LMX1A: variants seen among roughly 807,000 people sequenced by gnomAD.
The protein encoded by LMX1A is LIM homeobox transcription factor 1-alpha.
LMX1A carries 15 observed loss-of-function variants against 49.1 expected under a neutral mutation model. The observed-to-expected ratio is 0.31, with a 90% CI of 0.20 to 0.47. LMX1A has a LOEUF of 0.47. Ranked by LOEUF, LMX1A falls within the 20% of genes least tolerant of loss-of-function variation. The pLI, the probability that LMX1A is intolerant of heterozygous loss-of-function variation, is 1.00. For synonymous variants in LMX1A, 167 were observed against 185.7 expected, an observed-to-expected ratio of 0.90 and a Z score of 0.82; for missense variants, 372 against 475.8, an observed-to-expected ratio of 0.78 and a Z score of 2.03.
chr1:165,307,109 A>G (rs1043964309), intron 3 of LMX1A, among the ~76,000 whole-genome samples: 9 of 152,252 alleles, frequency 5.9e-5, no homozygotes, highest in African/African-American at 2.2e-4. Flanking sequence ...CTTTTTCCAG[A>G]AATGACAGTG....
chr1:165,323,068 A>C (rs1655468876), intron 3 of LMX1A, among the ~76,000 whole-genome samples: 1 of 152,158 alleles, frequency 6.6e-6, no homozygotes, highest in Non-Finnish European at 1.5e-5. Flanking sequence ...AAATCTCAGA[A>C]TCAAAAGGGC....
chr1:165,202,901 A>G lies in LMX1A; in HGVS notation c.*979T>C, dbSNP rs1280118690. On this transcript the variant is annotated 3_prime_UTR_variant, in exon 9 of 9. Transcript: ENST00000342310. ...GTTGTATCTTAAACAAATATCAGAT[A>G]TTAGTCTCAGCCCTGCTCATGTGTC... 7 of 152,656 alleles carry G rather than the reference A, an allele frequency of 4.6e-5. No individual in the cohort carries two copies. The highest frequency in any genetic ancestry group is 1.7e-4 in the African/African-American group (7 of 41,442). The allele number at this position is 152,656 out of a possible 1,614,324, so 9.5% of individuals were successfully genotyped here.
chr1:165,237,487 C>T (rs1305827319), intron 4 of LMX1A, among the ~76,000 whole-genome samples: 1 of 152,094 alleles, frequency 6.6e-6, no homozygotes, highest in African/African-American at 2.4e-5. Flanking sequence ...AAGGACACTC[C>T]ATCTTGAACA....
At chr1:165,327,133 T>C (rs1655610210) in intron 3 of LMX1A, among the ~76,000 whole-genome samples, 1 of 152,186 alleles carries the variant, frequency 6.6e-6, no homozygotes, top group African/African-American at 2.4e-5. Context: ...GAAGTCACCC[T>C]CTGGAGACGC....
At chr1:165,222,621 C>T (rs531341811) in intron 4 of LMX1A, among the ~76,000 whole-genome samples, 1 of 152,232 alleles carries the variant, frequency 6.6e-6, no homozygotes, top group Non-Finnish European at 1.5e-5. Context: ...AGTTGACTAA[C>T]ACTCAAAATG....
intron 3 of LMX1A, among the ~76,000 whole-genome samples, chr1:165,312,703 T>C (rs535011151): frequency 3.5e-4 from 54 of 152,322 alleles, no homozygotes; most frequent in African/African-American, 1.2e-3. Flanking sequence ...ACCAACTTAA[T>C]GGCCCCATGT....
chr1:165,343,696 C>T (rs1656150805), intron 3 of LMX1A, among the ~76,000 whole-genome samples: 1 of 152,060 alleles, frequency 6.6e-6, no homozygotes, highest in Non-Finnish European at 1.5e-5. Context: ...AAGATCCCAA[C>T]CAAAGACAAA....
chr1:165,264,157 C>T (rs1653541683), intron 3 of LMX1A, among the ~76,000 whole-genome samples: 1 of 151,736 alleles, frequency 6.6e-6, no homozygotes, highest in Admixed American at 6.6e-5. Context: ...TAAAAAAAAA[C>T]AGGAGGAATG....
At chr1:165,295,392 ATAGG>A (rs1654587094) in intron 3 of LMX1A, among the ~76,000 whole-genome samples, 2 of 150,054 alleles carry the variant, frequency 1.3e-5, no homozygotes, top group South Asian at 2.1e-4. Flanking sequence ...GCCGTAATAA[ATAGG>A]TAGCCCTATT....
At chr1:165,318,809 G>A (rs1655293212) in intron 3 of LMX1A, among the ~76,000 whole-genome samples, 1 of 152,094 alleles carries the variant, frequency 6.6e-6, no homozygotes, top group African/African-American at 2.4e-5. Context: ...AGATGGAAAG[G>A]AAAAATATAG....
At chr1:165,343,134 C>T (rs1421990330) in intron 3 of LMX1A, among the ~76,000 whole-genome samples, 1 of 152,072 alleles carries the variant, frequency 6.6e-6, no homozygotes, top group Non-Finnish European at 1.5e-5. Context: ...TTTCTATGAG[C>T]CAAGCATTGA....
At chr1:165,256,806 G>T (rs1399879474) in intron 3 of LMX1A, among the ~76,000 whole-genome samples, 1 of 152,058 alleles carries the variant, frequency 6.6e-6, no homozygotes, top group Non-Finnish European at 1.5e-5. Context: ...TTTGATGCCT[G>T]AGAAACTACT....
At chr1:165,273,113 G>A (rs1373795656) in intron 3 of LMX1A, among the ~76,000 whole-genome samples, 2 of 152,208 alleles carry the variant, frequency 1.3e-5, no homozygotes, top group African/African-American at 4.8e-5. Flanking sequence ...CACTACTGAG[G>A]ATGTCTCCAG....
chr1:165,229,377 GC>G (rs1003467599), intron 4 of LMX1A, among the ~76,000 whole-genome samples: 4 of 152,090 alleles, frequency 2.6e-5, no homozygotes, highest in Middle Eastern at 3.4e-3. Flanking sequence ...GCTATAGATG[GC>G]CCCCCCGTCA....
At chr1:165,234,127 A>G (rs1393179816) in intron 4 of LMX1A, among the ~76,000 whole-genome samples, 2 of 152,138 alleles carry the variant, frequency 1.3e-5, no homozygotes, top group Non-Finnish European at 2.9e-5. Context: ...AATCCTTCAC[A>G]TTTTGGCGTT....
At chr1:165,313,647 G>C (rs1303216352) in intron 3 of LMX1A, among the ~76,000 whole-genome samples, 1 of 151,994 alleles carries the variant, frequency 6.6e-6, no homozygotes, top group Non-Finnish European at 1.5e-5. Context: ...GAAGGGAGCA[G>C]TTACCAGAGC....
intron 3 of LMX1A, among the ~76,000 whole-genome samples, chr1:165,346,798 A>G (rs1656259225): frequency 6.6e-6 from 1 of 152,232 alleles, no homozygotes; most frequent in African/African-American, 2.4e-5. Context: ...ACATGTAGCA[A>G]GATTACAGTG....
chr1:165,346,311 G>A (rs1398541483), intron 3 of LMX1A, among the ~76,000 whole-genome samples: 1 of 152,190 alleles, frequency 6.6e-6, no homozygotes, highest in East Asian at 1.9e-4. Flanking sequence ...TCCAAAAATA[G>A]GATCCCCAAA....
intron 3 of LMX1A, among the ~76,000 whole-genome samples, chr1:165,307,315 C>T (rs1274474384): frequency 6.6e-6 from 1 of 152,170 alleles, no homozygotes; most frequent in Admixed American, 6.5e-5. Flanking sequence ...TCAAATATTA[C>T]CAAATCCAGT....
Sources: gnomAD v4.1 joint callset for allele counts (sites outside exome capture counted in the v4.1 genomes callset) on GRCh38, gnomAD v4.1.1 for gene constraint, MANE v1.5 for transcripts, NCBI Gene and HGNC (gene_info 2026-07-23, HGNC 2026-07-21) for gene names.